MAP2: variants seen among roughly 807,000 people sequenced by gnomAD.
MAP2 encodes microtubule associated protein 2, also known as microtubule-associated protein 2.
A neutral mutation model predicts 137.6 loss-of-function variants in MAP2; 14 were observed. The observed-to-expected ratio is 0.10, with a 90% CI of 0.07 to 0.16. MAP2 has a LOEUF of 0.16. Ranked by LOEUF, MAP2 falls within the 10% of genes least tolerant of loss-of-function variation. The pLI is 1.00. For synonymous variants in MAP2, 786 were observed against 782.3 expected (o/e 1.00, Z -0.08); for missense variants, 2,088 against 2,191.5 (o/e 0.95, Z 0.94).
intron 2 of MAP2, among the ~76,000 whole-genome samples, chr2:209,569,735 A>G (rs2153369663): frequency 6.6e-6 from 1 of 151,984 alleles, no homozygotes; most frequent in Admixed American, 6.5e-5. Context: ...ACATAACATG[A>G]TATGGTGTTT....
intron 13 of MAP2, among the ~76,000 whole-genome samples, chr2:209,717,527 A>T (rs564472937): frequency 2.6e-5 from 4 of 152,146 alleles, no homozygotes; most frequent in African/African-American, 9.6e-5. Context: ...CTTCAATTTT[A>T]TATTTAAGAA....
chr2:209,613,236 G>C (rs1227427221), intron 3 of MAP2, among the ~76,000 whole-genome samples: 1 of 145,904 alleles, frequency 6.9e-6, no homozygotes, highest in Non-Finnish European at 1.5e-5. Context: ...CTCTTAACGT[G>C]TTTTTTATTT....
intron 2 of MAP2, among the ~76,000 whole-genome samples, chr2:209,508,665 A>G (rs775466670): frequency 6.6e-6 from 1 of 151,368 alleles, no homozygotes; most frequent in Non-Finnish European, 1.5e-5. Context: ...GTGCTTTCCT[A>G]TCTTCGAAAT....
intron 2 of MAP2, among the ~76,000 whole-genome samples, chr2:209,520,253 C>A (rs1051673694): frequency 6.6e-6 from 1 of 152,010 alleles, no homozygotes; most frequent in Admixed American, 6.6e-5. Flanking sequence ...TAAAGACAGG[C>A]TTCCCTATAA....
chr2:209,617,245 G>A (rs1036259296), intron 3 of MAP2, among the ~76,000 whole-genome samples: 1 of 152,082 alleles, frequency 6.6e-6, no homozygotes, highest in Non-Finnish European at 1.5e-5. Context: ...GAAAGAAACT[G>A]CTTCCTAGGC....
intron 2 of MAP2, among the ~76,000 whole-genome samples, chr2:209,540,412 C>G (rs1179301848): frequency 6.6e-6 from 1 of 151,212 alleles, no homozygotes; most frequent in African/African-American, 2.4e-5. Context: ...GGCAGGCGGA[C>G]CATGAGGTCA....
chr2:209,574,595 G>A (rs16843170), intron 2 of MAP2, among the ~76,000 whole-genome samples: 3,003 of 152,202 alleles, frequency 0.02, 95 homozygotes, highest in African/African-American at 0.068. Flanking sequence ...ACCCAATCCC[G>A]CATCCATGTA....
chr2:209,499,981 A>G (rs567152389), intron 1 of MAP2, among the ~76,000 whole-genome samples: 18 of 152,280 alleles, frequency 1.2e-4, no homozygotes, highest in Non-Finnish European at 1.6e-4. Flanking sequence ...CATCAGAACT[A>G]TATCACAGTC....
At chr2:209,484,866 T>C (rs2058178531) in intron 1 of MAP2, among the ~76,000 whole-genome samples, 1 of 152,344 alleles carries the variant, frequency 6.6e-6, no homozygotes, top group South Asian at 2.1e-4. Flanking sequence ...CTATTGTCTA[T>C]TGTCAACTAT....
intron 4 of MAP2, among the ~76,000 whole-genome samples, chr2:209,640,599 A>G (rs1263152936): frequency 6.6e-6 from 1 of 152,004 alleles, no homozygotes; most frequent in Non-Finnish European, 1.5e-5. Context: ...GTTTACACTT[A>G]TATTTGGAAT....
chr2:209,559,786 C>T lies in MAP2; in HGVS notation c.-171-20250C>T, dbSNP rs189656173. The stretch of plus-strand genomic sequence containing the variant: ...TGGTGCAACAAGATGTCCAGAGACT[C>T]TTTGTATTTTCCCTGTGCCAGTCCT... On this transcript the variant is annotated intron_variant, in intron 2 of 15. Coordinates refer to ENST00000682079, the MANE Select transcript of MAP2 (RefSeq NM_001375505.1). Among the ~76,000 whole-genome samples, 11 of 148,792 alleles carry T rather than the reference C, an allele frequency of 7.4e-5. No homozygotes were observed. The East Asian group carries it at 1.2e-3, about 16-fold the overall frequency.
chr2:209,489,996 A>G (rs1234167138), intron 1 of MAP2, among the ~76,000 whole-genome samples: 2 of 152,198 alleles, frequency 1.3e-5, no homozygotes, highest in East Asian at 3.9e-4. Flanking sequence ...ACCAAGATTG[A>G]AATGAAGGAA....
chr2:209,533,497 T>A (rs1244083478), intron 2 of MAP2, among the ~76,000 whole-genome samples: 1 of 152,210 alleles, frequency 6.6e-6, no homozygotes, highest in East Asian at 1.9e-4. Flanking sequence ...TTTTAGAAAG[T>A]ACAGAACAGT....
intron 5 of MAP2, among the ~76,000 whole-genome samples, chr2:209,669,401 G>T (rs909991353): frequency 2.6e-5 from 4 of 152,126 alleles, no homozygotes; most frequent in South Asian, 4.1e-4. Flanking sequence ...TTATGTTGGG[G>T]ATGAGAGAGA....
intron 4 of MAP2, among the ~76,000 whole-genome samples, chr2:209,651,270 C>T (rs936206851): frequency 2.0e-5 from 3 of 152,156 alleles, no homozygotes; most frequent in Admixed American, 6.6e-5. Context: ...GCTCTCTTCT[C>T]ATTAGGCTAC....
intron 5 of MAP2, chr2:209,661,393 G>A: frequency 2.7e-6 from 1 of 373,138 alleles, no homozygotes; most frequent in African/African-American, 2.2e-5. Context: ...AATGCGAGAG[G>A]TTGCAGATTT....
intron 3 of MAP2, among the ~76,000 whole-genome samples, chr2:209,580,776 C>G (rs2076228790): frequency 6.6e-6 from 1 of 152,126 alleles, no homozygotes; most frequent in African/African-American, 2.4e-5. Flanking sequence ...ACATGAAAAA[C>G]ATTAATTTTG....
At chr2:209,501,999 G>A (rs2060440358) in intron 1 of MAP2, among the ~76,000 whole-genome samples, 1 of 151,862 alleles carries the variant, frequency 6.6e-6, no homozygotes, top group Non-Finnish European at 1.5e-5. Flanking sequence ...ATTTAAGTGT[G>A]CAACATGTTT....
chr2:209,595,493 C>A (rs1015546847), intron 3 of MAP2, among the ~76,000 whole-genome samples: 3 of 152,178 alleles, frequency 2.0e-5, no homozygotes, highest in African/African-American at 7.2e-5. Flanking sequence ...AACAGGAACA[C>A]TTTTACATTG....
Sources: gnomAD v4.1 joint callset for allele counts (sites outside exome capture counted in the v4.1 genomes callset) on GRCh38, gnomAD v4.1.1 for gene constraint, MANE v1.5 for transcripts, NCBI Gene and HGNC (gene_info 2026-07-23, HGNC 2026-07-21) for gene names.